SEMA6D: variants seen among roughly 807,000 people sequenced by gnomAD.
SEMA6D encodes semaphorin-6D.
In SEMA6D, 35 loss-of-function variants were observed where a neutral mutation model predicts 106.6. The observed-to-expected ratio is 0.33, with a 90% CI of 0.25 to 0.44. The LOEUF is 0.44. SEMA6D is among the 20% of genes least tolerant of loss of function. The pLI is 1.00. For synonymous variants in SEMA6D, 499 were observed against 487.7 expected (o/e 1.02, Z -0.31); for missense variants, 1,185 against 1,345.9 (o/e 0.88, Z 1.87).
At chr15:47,769,719 G>A (rs964789502) in intron 18 of SEMA6D, among the ~76,000 whole-genome samples, 2 of 152,036 alleles carry the variant, frequency 1.3e-5, no homozygotes, top group South Asian at 2.1e-4. Flanking sequence ...ATTGTTAGAT[G>A]TCTGTGGTTG....
At chr15:47,320,399 A>G (rs979788293) in intron 1 of SEMA6D, among the ~76,000 whole-genome samples, 2 of 151,548 alleles carry the variant, frequency 1.3e-5, no homozygotes, top group East Asian at 1.9e-4. Context: ...TGTTTTGCCT[A>G]TTGTCCCTGT....
At chr15:47,596,941 A>C (rs558820298) in intron 3 of SEMA6D, among the ~76,000 whole-genome samples, 1 of 152,136 alleles carries the variant, frequency 6.6e-6, no homozygotes, top group Admixed American at 6.6e-5. Flanking sequence ...AAGGCATTAC[A>C]TCAGACTAAA....
chr15:47,249,121 G>A (rs1020308240), intron 1 of SEMA6D, among the ~76,000 whole-genome samples: 3 of 152,204 alleles, frequency 2.0e-5, no homozygotes, highest in Middle Eastern at 3.4e-3. Context: ...CCAGCTACTC[G>A]GGTGGCTGAG....
chr15:47,348,727 C>CACAGAGAGAGAGAGAG (rs1450109233), intron 1 of SEMA6D, among the ~76,000 whole-genome samples: 76 of 57,104 alleles, frequency 1.3e-3, no homozygotes, highest in African/African-American at 2.6e-3. Context: ...ACCACACACA[C>CACAGAGAGAGAGAGAG]AGAGAGAGAG....
chr15:47,759,817 T>G lies in SEMA6D; in HGVS notation c.19T>G (p.Cys7Gly), dbSNP rs756295787. The change falls in exon 2 of 19, where the codon TGT becomes GGT. Residue 7 changes from cysteine to glycine, a missense_variant. Cys to Gly is a radical substitution (Grantham distance 159). Coordinates refer to ENST00000536845, the MANE Select transcript of SEMA6D (RefSeq NM_001358351.3). ...GCCCACCATGAGGGTCTTCCTGCTT[T>G]GTGCCTACATACTGCTGCTGATGGT... MRVFLL[C>G]AYILLLMVSQ... is the part of the protein sequence containing the mutation. The G allele has an allele frequency of 6.2e-7, 1 of 1,613,676 alleles. No individual in the cohort carries two copies. The highest frequency in any genetic ancestry group is 8.5e-7 in the Non-Finnish European group (1 of 1,179,720).
chr15:47,232,712 T>A (rs1305243270), intron 1 of SEMA6D, among the ~76,000 whole-genome samples: 1 of 151,890 alleles, frequency 6.6e-6, no homozygotes, highest in Non-Finnish European at 1.5e-5. Flanking sequence ...ATGTGCTTAT[T>A]TTCCATTCAT....
intron 3 of SEMA6D, among the ~76,000 whole-genome samples, chr15:47,579,426 G>A (rs1012519481): frequency 2.6e-5 from 4 of 151,866 alleles, no homozygotes; most frequent in African/African-American, 9.7e-5. Flanking sequence ...ACAGGTGTGA[G>A]CCACCACGCC....
At chr15:47,718,263 C>T (rs1441557429) in intron 1 of SEMA6D, among the ~76,000 whole-genome samples, 1 of 152,180 alleles carries the variant, frequency 6.6e-6, no homozygotes, top group African/African-American at 2.4e-5. Context: ...CGCTGGGACG[C>T]CCGGGGTCTG....
intron 4 of SEMA6D, among the ~76,000 whole-genome samples, chr15:47,639,853 A>T (rs2077456671): frequency 1.3e-5 from 2 of 152,202 alleles, no homozygotes; most frequent in Admixed American, 1.3e-4. Context: ...AAACAAAGAA[A>T]GTCTGAGAAA....
At chr15:47,717,760 C>G (rs1169783218) in intron 1 of SEMA6D, 68 bp downstream of exon 1, 1 of 132,886 alleles carries the variant, frequency 7.5e-6, no homozygotes, top group African/African-American at 3.5e-5. Context: ...CCTGAGATCC[C>G]GAATCGCTGT....
intron 1 of SEMA6D, among the ~76,000 whole-genome samples, chr15:47,308,882 C>G (rs1387032807): frequency 6.6e-6 from 1 of 152,110 alleles, no homozygotes; most frequent in Non-Finnish European, 1.5e-5. Flanking sequence ...TACAACTAAC[C>G]CATTTGAACA....
intron 4 of SEMA6D, among the ~76,000 whole-genome samples, chr15:47,711,867 G>A (rs1567007768): frequency 6.6e-6 from 1 of 152,194 alleles, no homozygotes; most frequent in Non-Finnish European, 1.5e-5. Context: ...GGTGGCACTA[G>A]TGGTTTCTGG....
At chr15:47,676,040 A>G (rs1307979553) in intron 4 of SEMA6D, among the ~76,000 whole-genome samples, 1 of 152,138 alleles carries the variant, frequency 6.6e-6, no homozygotes, top group Non-Finnish European at 1.5e-5. Flanking sequence ...GGCTAGGCCC[A>G]CTGTGTTTCA....
chr15:47,270,473 G>A (rs578105091), intron 1 of SEMA6D, among the ~76,000 whole-genome samples: 2 of 150,588 alleles, frequency 1.3e-5, no homozygotes, highest in South Asian at 4.2e-4. Flanking sequence ...TTTTTCCTAT[G>A]GCAGTGGCCT....
intron 3 of SEMA6D, among the ~76,000 whole-genome samples, chr15:47,590,578 G>C (rs919465200): frequency 6.6e-6 from 1 of 151,728 alleles, no homozygotes; most frequent in African/African-American, 2.4e-5. Flanking sequence ...AAAGAAACAG[G>C]GTCTCTGTAG....
At chr15:47,211,996 A>C (rs1441476928) in intron 1 of SEMA6D, among the ~76,000 whole-genome samples, 1 of 152,098 alleles carries the variant, frequency 6.6e-6, no homozygotes, top group African/African-American at 2.4e-5. Flanking sequence ...AATGATAATG[A>C]AAACTGCTAA....
chr15:47,518,766 C>T (rs531776365), intron 3 of SEMA6D, among the ~76,000 whole-genome samples: 79 of 152,274 alleles, frequency 5.2e-4, no homozygotes, highest in Non-Finnish European at 5.1e-4. Context: ...TTGTCTTCCA[C>T]CTCCTTATCT....
At chr15:47,720,671 A>G (rs901722859) in intron 1 of SEMA6D, among the ~76,000 whole-genome samples, 1 of 152,222 alleles carries the variant, frequency 6.6e-6, no homozygotes, top group African/African-American at 2.4e-5. Context: ...CAGGAATCAG[A>G]GCCTTGATTC....
chr15:47,273,596 A>G (rs1252920204), intron 1 of SEMA6D, among the ~76,000 whole-genome samples: 3 of 152,140 alleles, frequency 2.0e-5, no homozygotes, highest in African/African-American at 7.2e-5. Flanking sequence ...TAGCCGGAAA[A>G]TATGTTAGTC....
Sources: gnomAD v4.1 joint callset for allele counts (sites outside exome capture counted in the v4.1 genomes callset) on GRCh38, gnomAD v4.1.1 for gene constraint, MANE v1.5 for transcripts, NCBI Gene and HGNC (gene_info 2026-07-23, HGNC 2026-07-21) for gene names.